The following DENND1A variants were observed in gnomAD, a reference collection of about 807,000 sequenced individuals.
DENND1A encodes the protein DENN domain containing 1A, also known as DENN domain-containing protein 1A.
Under a neutral mutation model 113.7 loss-of-function variants are expected in DENND1A, and 51 were observed. That is an observed-to-expected ratio of 0.45 (90% CI 0.36 to 0.57). DENND1A has a LOEUF of 0.57. Among genes scored for constraint, DENND1A ranks in the 20% least tolerant of loss-of-function variants. The pLI is 0.00. For synonymous variants in DENND1A, 565 were observed against 570.8 expected (o/e 0.99, Z 0.14); for missense variants, 1,258 against 1,395.9 (o/e 0.90, Z 1.57).
At chr9:123,658,249 G>T (rs914614553) in intron 8 of DENND1A, among the ~76,000 whole-genome samples, 8 of 151,002 alleles carry the variant, frequency 5.3e-5, no homozygotes, top group African/African-American at 1.9e-4. Context: ...CCAAATGAAG[G>T]TCTATATGAT....
chr9:123,437,320 C>G (rs1355638984), intron 19 of DENND1A, among the ~76,000 whole-genome samples: 2 of 152,206 alleles, frequency 1.3e-5, no homozygotes, highest in Non-Finnish European at 2.9e-5. Flanking sequence ...ACCTTCTCTC[C>G]CCTGGCAGTA....
At chr9:123,927,001 G>GGCAGGCGTCTGGGGGATGGCATCT (rs1315919470) in intron 1 of DENND1A, among the ~76,000 whole-genome samples, 3 of 152,168 alleles carry the variant, frequency 2.0e-5, no homozygotes, top group African/African-American at 7.2e-5. Context: ...CTGGCATCAA[G>GGCAGGCGTCTGGGGGATGGCATCT]GCAGGCGTCT....
In DENND1A at chr9:123,381,819, G is replaced by C. The variant is rs774503242; in HGVS notation, c.2826C>G (p.His942Gln). 14 of 1,511,134 alleles carry C rather than the reference G, an allele frequency of 9.3e-6. No homozygotes were observed. The highest frequency in any genetic ancestry group is 1.2e-5 in the Non-Finnish European group (14 of 1,130,144). 93.6% of individuals were successfully genotyped at this position (1,511,134 alleles called of 1,614,324 possible). A position where few individuals can be genotyped will look rare whatever the true frequency, so the allele number is the denominator to read the frequency against. Residue 942 changes from histidine to glutamine, a missense_variant, in exon 24 of 24, where the codon CAC (histidine) becomes CAG (glutamine). Physicochemically the swap from His to Gln is conservative, Grantham distance 24. This residue lies in a region of DENND1A where 1,159 missense variants were observed against 1,231.7 expected (regional missense o/e 0.94). Transcript: ENST00000394215. The surrounding 1 kb of genome is among the most constrained non-coding windows in gnomAD (Gnocchi z 4.7). Reference protein sequence around the residue: ...LLSSAGFCAPHRSQPNLSALS... With the variant: ...LLSSAGFCAPQRSQPNLSALS... ...GGGCGGAGAGGTTGGGCTGAGACCT[G>C]TGAGGGGCACAGAAGCCAGCACTGG...
At position 123,603,706 on chromosome 9, in the gene DENND1A, C is replaced by T. The variant is rs2060030062; in HGVS notation, c.765+5730G>A. ...ACATAGTACATAAAATACATTCATA[C>T]CCTTAAACTGAGGTGTAGAAAAAGT... is the stretch of plus-strand genomic sequence containing the variant. On this transcript the variant is annotated intron_variant, in intron 11 of 23. Coordinates refer to ENST00000394215, the MANE Select transcript of DENND1A (RefSeq NM_001352964.2). 2.0e-5 allele frequency among the ~76,000 whole-genome samples: 3 copies of T among 152,162 alleles called. No homozygotes were observed. The South Asian group carries it at 6.2e-4, about 31-fold the overall frequency.
At chr9:123,614,099 G>C (rs569955031) in intron 10 of DENND1A, among the ~76,000 whole-genome samples, 5 of 152,162 alleles carry the variant, frequency 3.3e-5, no homozygotes, top group African/African-American at 1.2e-4. Context: ...ATGCTCAAGG[G>C]AACTCTGCAA....
chr9:123,549,849 T>C (rs1333865680), intron 13 of DENND1A, among the ~76,000 whole-genome samples: 1 of 152,206 alleles, frequency 6.6e-6, no homozygotes, highest in African/African-American at 2.4e-5. Flanking sequence ...AAGGCATATG[T>C]AGTAAAAATC....
At chr9:123,924,958 T>C (rs997680581) in intron 1 of DENND1A, among the ~76,000 whole-genome samples, 4 of 152,222 alleles carry the variant, frequency 2.6e-5, no homozygotes, top group African/African-American at 9.6e-5. Flanking sequence ...TCAGCTCAAA[T>C]GTCATCTCCA....
At chr9:123,496,328 T>C (rs1025415806) in intron 13 of DENND1A, among the ~76,000 whole-genome samples, 20 of 152,250 alleles carry the variant, frequency 1.3e-4, no homozygotes, top group East Asian at 9.6e-4. Flanking sequence ...TCACTGCTTT[T>C]CCTGGTGCTT....
At chr9:123,494,439 A>C (rs1307901736) in intron 13 of DENND1A, among the ~76,000 whole-genome samples, 1 of 152,146 alleles carries the variant, frequency 6.6e-6, no homozygotes, top group East Asian at 1.9e-4. Context: ...ACTGAGGCCA[A>C]ATGACTTTTA....
intron 1 of DENND1A, among the ~76,000 whole-genome samples, chr9:123,897,688 G>A (rs1850983117): frequency 6.6e-6 from 1 of 152,106 alleles, no homozygotes; most frequent in African/African-American, 2.4e-5. Flanking sequence ...TAAAGGTCTG[G>A]CCCAGTGCAG....
chr9:123,443,576 C>G (rs575905836), intron 18 of DENND1A, among the ~76,000 whole-genome samples: 1 of 152,342 alleles, frequency 6.6e-6, no homozygotes, highest in South Asian at 2.1e-4. Context: ...TTATTAGCCT[C>G]TTTACTATTC....
At chr9:123,675,755 C>CTA (rs2064040434) in intron 6 of DENND1A, among the ~76,000 whole-genome samples, 1 of 152,166 alleles carries the variant, frequency 6.6e-6, no homozygotes, top group Non-Finnish European at 1.5e-5. Context: ...CCCAGGCACT[C>CTA]TCTTACATTG....
At chr9:123,697,619 T>C (rs973846461) in intron 5 of DENND1A, among the ~76,000 whole-genome samples, 1 of 152,152 alleles carries the variant, frequency 6.6e-6, no homozygotes, top group Non-Finnish European at 1.5e-5. Context: ...CTCCCACATA[T>C]CAGTGAGAAC....
intron 23 of DENND1A, among the ~76,000 whole-genome samples, chr9:123,383,143 A>G (rs1427182487): frequency 1.3e-5 from 2 of 152,156 alleles, no homozygotes; most frequent in East Asian, 3.9e-4. Context: ...AGCTCTGTGA[A>G]CCCCACGGTG....
chr9:123,796,782 C>G (rs1833847798), intron 2 of DENND1A, among the ~76,000 whole-genome samples: 1 of 151,932 alleles, frequency 6.6e-6, no homozygotes, highest in Admixed American at 6.6e-5. Flanking sequence ...CACACACACA[C>G]ACACACACAT....
intron 5 of DENND1A, among the ~76,000 whole-genome samples, chr9:123,722,924 A>G (rs1324089238): frequency 6.6e-6 from 1 of 152,218 alleles, no homozygotes. Flanking sequence ...GAAAAGGGCC[A>G]CCATCCTCCA....
chr9:123,821,754 G>A (rs907767937), intron 2 of DENND1A, among the ~76,000 whole-genome samples: 6 of 152,182 alleles, frequency 3.9e-5, no homozygotes, highest in Non-Finnish European at 8.8e-5. Context: ...CGGAGGACAG[G>A]ATCTAGTTCC....
intron 10 of DENND1A, among the ~76,000 whole-genome samples, chr9:123,616,285 A>C (rs1053733283): frequency 6.6e-6 from 1 of 152,196 alleles, no homozygotes; most frequent in African/African-American, 2.4e-5. Flanking sequence ...TCACCCAGTT[A>C]ATGGTGATCC....
At chr9:123,464,739 A>T (rs1443399894) in intron 13 of DENND1A, among the ~76,000 whole-genome samples, 1 of 152,164 alleles carries the variant, frequency 6.6e-6, no homozygotes, top group Non-Finnish European at 1.5e-5. Context: ...GACAATCAAA[A>T]TTTTTAATTA....
Sources: allele counts gnomAD v4.1 joint callset (sites outside exome capture counted in the v4.1 genomes callset), GRCh38; gene constraint gnomAD v4.1.1; regional missense constraint gnomAD v4.1.1; non-coding constraint Gnocchi (gnomAD v3.1); transcripts MANE v1.5; gene names NCBI Gene and HGNC (gene_info 2026-07-23, HGNC 2026-07-21).